DOK6: variants seen among roughly 807,000 people sequenced by gnomAD.
The protein encoded by DOK6 is docking protein 6.
DOK6 carries 22 observed loss-of-function variants against 44.0 expected under a neutral mutation model. The observed-to-expected ratio is 0.50, with a 90% CI of 0.36 to 0.71. The LOEUF (loss-of-function observed/expected upper bound fraction) is 0.71, where lower values mean the gene tolerates loss of function less well. Among genes scored for constraint, DOK6 ranks in the 30% least tolerant of loss-of-function variants. The pLI, the probability that DOK6 is intolerant of heterozygous loss-of-function variation, is 0.00. For synonymous variants in DOK6, 166 were observed against 145.5 expected (o/e 1.14, Z -1.01); for missense variants, 340 against 416.4 (o/e 0.82, Z 1.60).
chr18:69,729,720 A>C (rs756435411), intron 5 of DOK6, among the ~76,000 whole-genome samples: 1 of 152,264 alleles, frequency 6.6e-6, no homozygotes, highest in South Asian at 2.1e-4. Context: ...CCCACACACA[A>C]TCTGTTCAAA....
intron 7 of DOK6, among the ~76,000 whole-genome samples, chr18:69,803,601 C>T (rs566086796): frequency 9.8e-5 from 15 of 152,316 alleles, no homozygotes; most frequent in African/African-American, 1.7e-4. Context: ...AGGTGGCTCA[C>T]GCCTATAATC....
At chr18:69,728,465 T>C (rs115606946) in intron 5 of DOK6, among the ~76,000 whole-genome samples, 1,849 of 152,304 alleles carry the variant, frequency 0.012, 41 homozygotes, top group African/African-American at 0.042. Context: ...AAAGTCTGCC[T>C]GGCTAGTGAC....
At chr18:69,577,287 C>T (rs138447183) in intron 2 of DOK6, among the ~76,000 whole-genome samples, 14 of 152,230 alleles carry the variant, frequency 9.2e-5, no homozygotes, top group Middle Eastern at 3.4e-3. Flanking sequence ...CACGAAGAAA[C>T]GGCCCTATGC....
At chr18:69,821,594 T>C (rs1433650716) in intron 7 of DOK6, among the ~76,000 whole-genome samples, 2 of 152,100 alleles carry the variant, frequency 1.3e-5, no homozygotes, top group African/African-American at 4.8e-5. Flanking sequence ...TGAGAACAAT[T>C]TTCTATATTC....
At chr18:69,526,157 C>T (rs1270425501) in intron 1 of DOK6, among the ~76,000 whole-genome samples, 1 of 151,946 alleles carries the variant, frequency 6.6e-6, no homozygotes, top group East Asian at 1.9e-4. Flanking sequence ...CAGAATTGTG[C>T]ACCCATCACT....
At chr18:69,440,749 C>T (rs1979113727) in intron 1 of DOK6, among the ~76,000 whole-genome samples, 1 of 74,436 alleles carries the variant, frequency 1.3e-5, no homozygotes, top group Admixed American at 1.6e-4. Context: ...TTTATACACA[C>T]ACAAACACAC....
At chr18:69,549,663 T>G (rs1982508562) in intron 1 of DOK6, among the ~76,000 whole-genome samples, 1 of 151,450 alleles carries the variant, frequency 6.6e-6, no homozygotes, top group African/African-American at 2.4e-5. Flanking sequence ...ATCAAGTGGT[T>G]TGTTAATGAA....
At chr18:69,739,177 G>A in intron 6 of DOK6, 74 bp downstream of exon 6, 1 of 1,575,478 alleles carries the variant, frequency 6.3e-7, no homozygotes, top group Non-Finnish European at 8.6e-7. Flanking sequence ...CTGTGTATGT[G>A]TGGGGCCATT....
intron 2 of DOK6, among the ~76,000 whole-genome samples, chr18:69,596,862 T>C (rs923335338): frequency 3.3e-5 from 5 of 152,130 alleles, no homozygotes; most frequent in Admixed American, 1.3e-4. Flanking sequence ...CTATAACATA[T>C]AGAGTTCTAA....
intron 7 of DOK6, among the ~76,000 whole-genome samples, chr18:69,811,567 T>C (rs192683016): frequency 0.11 from 1,992 of 18,222 alleles, 172 homozygotes; most frequent in African/African-American, 0.16. Context: ...TATATATATA[T>C]ATATATATAT....
intron 6 of DOK6, among the ~76,000 whole-genome samples, chr18:69,745,252 T>C (rs1978946447): frequency 6.6e-6 from 1 of 152,178 alleles, no homozygotes; most frequent in Admixed American, 6.5e-5. Context: ...TAACACAAAA[T>C]ATTGCAATTT....
chr18:69,539,163 A>G (rs1982200327), intron 1 of DOK6, among the ~76,000 whole-genome samples: 1 of 152,172 alleles, frequency 6.6e-6, no homozygotes, highest in Non-Finnish European at 1.5e-5. Flanking sequence ...TACAAACATG[A>G]TCATGAATTC....
chr18:69,832,244 A>G (rs1981921622), intron 7 of DOK6, among the ~76,000 whole-genome samples: 2 of 152,186 alleles, frequency 1.3e-5, no homozygotes, highest in South Asian at 4.1e-4. Flanking sequence ...TAATGAAGCA[A>G]TGTAGAACTT....
At chr18:69,707,949 G>A (rs983284144) in intron 5 of DOK6, among the ~76,000 whole-genome samples, 1 of 152,088 alleles carries the variant, frequency 6.6e-6, no homozygotes, top group Non-Finnish European at 1.5e-5. Flanking sequence ...AGGTTGGCAT[G>A]AGGATAGAGG....
chr18:69,522,921 G>C (rs571593079), intron 1 of DOK6, among the ~76,000 whole-genome samples: 1 of 152,184 alleles, frequency 6.6e-6, no homozygotes, highest in South Asian at 2.1e-4. Flanking sequence ...AGAGATCAAA[G>C]TGTGTCTTTT....
chr18:69,512,093 C>G (rs1452473723), intron 1 of DOK6, among the ~76,000 whole-genome samples: 2 of 127,866 alleles, frequency 1.6e-5, no homozygotes, highest in African/African-American at 2.9e-5. Flanking sequence ...CCCACACGCA[C>G]CCCCCCACAC....
intron 4 of DOK6, among the ~76,000 whole-genome samples, chr18:69,694,329 G>A (rs1035256204): frequency 1.3e-5 from 2 of 151,706 alleles, no homozygotes; most frequent in Non-Finnish European, 2.9e-5. Flanking sequence ...CCTGGGCATG[G>A]TCTATTCCTT....
chr18:69,816,194 G>C (rs552926618), intron 7 of DOK6, among the ~76,000 whole-genome samples: 4 of 152,250 alleles, frequency 2.6e-5, no homozygotes, highest in East Asian at 3.9e-4. Flanking sequence ...CTCCTATTTT[G>C]GGTTATTGAA....
intron 7 of DOK6, among the ~76,000 whole-genome samples, chr18:69,824,537 T>A (rs190404138): frequency 6.6e-6 from 1 of 152,080 alleles, no homozygotes; most frequent in African/African-American, 2.4e-5. Context: ...ATTCCTGTAT[T>A]TTTTGTAGAG....
Sources: allele counts gnomAD v4.1 joint callset (sites outside exome capture counted in the v4.1 genomes callset), GRCh38; gene constraint gnomAD v4.1.1; transcripts MANE v1.5; gene names NCBI Gene and HGNC (gene_info 2026-07-23, HGNC 2026-07-21).